CCDC144A: variants seen among roughly 807,000 people sequenced by gnomAD.
The protein encoded by CCDC144A is coiled-coil domain-containing protein 144A.
A neutral mutation model predicts 143.8 loss-of-function variants in CCDC144A; 41 were observed. The ratio of observed to expected loss-of-function variants is 0.29; its 90% CI spans 0.22 to 0.37. CCDC144A has a LOEUF of 0.37. Among genes scored for constraint, CCDC144A ranks in the 10% least tolerant of loss-of-function variants. The probability of loss-of-function intolerance (pLI) is 1.00; values close to 1 mark genes in which losing one functional copy is unlikely to be tolerated. For synonymous variants in CCDC144A, 242 were observed against 517.9 expected (o/e 0.47, Z 7.23); for missense variants, 637 against 1,488.8 (o/e 0.43, Z 9.41).
At chr17:16,718,227 A>G (rs1912884258) in intron 6 of CCDC144A, among the ~76,000 whole-genome samples, 1 of 152,206 alleles carries the variant, frequency 6.6e-6, no homozygotes, top group African/African-American at 2.4e-5. Context: ...GTGGATAAGC[A>G]TAGATACCCC....
At chr17:16,756,159 G>C (rs1223443363) in intron 12 of CCDC144A, among the ~76,000 whole-genome samples, 1 of 152,100 alleles carries the variant, frequency 6.6e-6, no homozygotes, top group Non-Finnish European at 1.5e-5. Flanking sequence ...CACAAGACTT[G>C]GTAGTTTTTC....
intron 8 of CCDC144A, among the ~76,000 whole-genome samples, chr17:16,721,796 AAC>A: frequency 6.6e-6 from 1 of 151,998 alleles, no homozygotes; most frequent in Non-Finnish European, 1.5e-5. Context: ...TATGTTAAAA[AAC>A]ACAGCTGCAT....
In CCDC144A at chr17:16,746,103, A is replaced by C. The variant is rs1914492076; in HGVS notation, c.3372+10460A>C. On this transcript the variant is annotated intron_variant, in intron 12 of 16. Transcript: ENST00000399273. ...GCCTTCCACGGGCCTGGCTTTTACG[A>C]CTGCACCGGGAGCACAGGATTCCTG... is the stretch of plus-strand genomic sequence containing the variant. The C allele has an allele frequency of 1.9e-6, 3 of 1,599,024 alleles. No individual in the cohort carries two copies. The Admixed American group carries it at 5.1e-5, about 27-fold the overall frequency.
the CCDC144A span, among the ~76,000 whole-genome samples, chr17:16,678,751 G>GTTTTTTTTT: frequency 1.2e-4 from 9 of 78,078 alleles, no homozygotes; most frequent in Non-Finnish European, 1.5e-4. Flanking sequence ...TGGCTAATTT[G>GTTTTTTTTT]TTTTTTTTTT....
intron 12 of CCDC144A, among the ~76,000 whole-genome samples, chr17:16,745,173 A>C (rs1914437514): frequency 6.6e-6 from 1 of 151,698 alleles, no homozygotes; most frequent in East Asian, 1.9e-4. Context: ...AGGTTGTAAC[A>C]AACAAGAACT....
chr17:16,729,963 C>CATATATATATATATATATATATAT (rs59756018), intron 9 of CCDC144A, among the ~76,000 whole-genome samples: 136 of 93,932 alleles, frequency 1.4e-3, no homozygotes, highest in African/African-American at 2.6e-3. Flanking sequence ...TAGGTAGTTT[C>CATATATATATATATATATATATAT]ATATATATAT....
At chr17:16,768,900 T>C (rs1467370092) in intron 15 of CCDC144A, among the ~76,000 whole-genome samples, 2 of 151,906 alleles carry the variant, frequency 1.3e-5, no homozygotes, top group African/African-American at 2.4e-5. Flanking sequence ...ATAAGTGTTA[T>C]ACAGTCATCT....
intron 9 of CCDC144A, among the ~76,000 whole-genome samples, chr17:16,728,782 G>C (rs2266407): frequency 6.6e-6 from 1 of 152,122 alleles, no homozygotes; most frequent in African/African-American, 2.4e-5. Context: ...TTATACTACT[G>C]TGTCTGCATT....
intron 15 of CCDC144A, 38 bp downstream of exon 15, chr17:16,764,213 A>G: frequency 6.3e-7 from 1 of 1,578,528 alleles, no homozygotes; most frequent in South Asian, 1.2e-5. Context: ...CAGATTTCTG[A>G]TAGAATTCTT....
At chr17:16,759,023 T>G in intron 12 of CCDC144A, among the ~76,000 whole-genome samples, 1 of 152,228 alleles carries the variant, frequency 6.6e-6, no homozygotes, top group Non-Finnish European at 1.5e-5. Flanking sequence ...GGCACCACCT[T>G]AAATCTTTCT....
intron 6 of CCDC144A, among the ~76,000 whole-genome samples, chr17:16,716,789 C>G (rs1442815547): frequency 4.0e-5 from 6 of 151,312 alleles, no homozygotes; most frequent in Non-Finnish European, 7.4e-5. Flanking sequence ...AGAGTCATTG[C>G]CTGTGTGCAG....
In CCDC144A at chr17:16,709,049, A is replaced by T. The variant is rs1912225292; in HGVS notation, c.992A>T (p.Lys331Met). The change falls in exon 5 of 17, where the codon AAG becomes ATG. Residue 331 changes from lysine (K) to methionine (M), a missense_variant. By Grantham distance (95) the Lys-to-Met change is moderately conservative. Transcript: ENST00000399273. ...LDNSTRGTDV[K>M]DIPFNLTNNI... The stretch of plus-strand genomic sequence containing the variant: ...AACTCTACAAGAGGAACAGATGTAA[A>T]GGATATTCCCTTTAATTTGACAAAT... 10 of 1,611,716 alleles carry T rather than the reference A, an allele frequency of 6.2e-6. No homozygotes were observed. Among genetic ancestry groups the T allele is most frequent in the Non-Finnish European group, 8.5e-6 (10 of 1,179,652 alleles).
the CCDC144A span, among the ~76,000 whole-genome samples, chr17:16,673,761 TTTTGTTATTACAGGCA>T: frequency 6.6e-6 from 1 of 152,272 alleles, no homozygotes; most frequent in East Asian, 1.9e-4. Flanking sequence ...ATCCATATAC[TTTTGTTATTACAGGCA>T]GAACAAGATA....
intron 6 of CCDC144A, 179 bp downstream of exon 6, chr17:16,711,994 G>A: frequency 1.1e-6 from 1 of 892,118 alleles, no homozygotes; most frequent in Non-Finnish European, 1.7e-6. Flanking sequence ...GCCAGATGTA[G>A]TGGTGCATGC....
At chr17:16,741,935 C>T (rs772415151) in intron 12 of CCDC144A, among the ~76,000 whole-genome samples, 3 of 151,964 alleles carry the variant, frequency 2.0e-5, no homozygotes, top group Non-Finnish European at 4.4e-5. Flanking sequence ...TAAATATTAG[C>T]TAGCCAAGCC....
At chr17:16,698,036 A>C (rs1258567055) in intron 2 of CCDC144A, among the ~76,000 whole-genome samples, 3 of 152,054 alleles carry the variant, frequency 2.0e-5, no homozygotes, top group Non-Finnish European at 4.4e-5. Context: ...GGATATTTTC[A>C]GTAGGTAATT....
At chr17:16,703,620 C>A (rs1270988858) in intron 2 of CCDC144A, among the ~76,000 whole-genome samples, 1 of 151,982 alleles carries the variant, frequency 6.6e-6, no homozygotes, top group East Asian at 1.9e-4. Context: ...CTGGCTAACA[C>A]GGTGAAACCC....
intron 2 of CCDC144A, among the ~76,000 whole-genome samples, chr17:16,704,186 GC>G (rs1048278054): frequency 4.6e-5 from 7 of 152,126 alleles, no homozygotes; most frequent in African/African-American, 1.7e-4. Context: ...GGGCGCGGTG[GC>G]TCACGCCTGT....
intron 15 of CCDC144A, among the ~76,000 whole-genome samples, chr17:16,768,253 A>G (rs1915689536): frequency 2.0e-5 from 3 of 152,256 alleles, no homozygotes; most frequent in South Asian, 2.1e-4. Flanking sequence ...TAGACCCCCA[A>G]TAAACTTATT....
Sources: allele counts gnomAD v4.1 joint callset (sites outside exome capture counted in the v4.1 genomes callset), GRCh38; gene constraint gnomAD v4.1.1; transcripts MANE v1.5; gene names NCBI Gene and HGNC (gene_info 2026-07-23, HGNC 2026-07-21).